The following SYT17 variants were observed in gnomAD, a reference collection of about 807,000 sequenced individuals.
SYT17 encodes the protein synaptotagmin-17.
A neutral mutation model predicts 46.7 loss-of-function variants in SYT17; 22 were observed. The observed-to-expected ratio is 0.47, with a 90% confidence interval of 0.34 to 0.67. SYT17 has a LOEUF of 0.67. Ranked by LOEUF, SYT17 falls within the 30% of genes least tolerant of loss-of-function variation. The pLI is 0.01. For missense variants in SYT17, 519 were observed against 612.8 expected (o/e 0.85, Z 1.62); for synonymous variants, 251 against 248.4 (o/e 1.01, Z -0.10).
In SYT17 at chr16:19,235,574, C is replaced by A. The variant is rs369994849; in HGVS notation, c.1228+10736C>A. 2.6e-5 allele frequency among the ~76,000 whole-genome samples: 4 copies of A among 152,246 alleles called. No individual in the cohort carries two copies. In the East Asian group the frequency reaches 7.7e-4, roughly 29 times the overall value. ...AAGAATTAGCAAAATCTGGCAAATTCTTAGAGAAAGTGTAATCAACAGATG... is the reference window on the plus strand; with the variant it reads ...AAGAATTAGCAAAATCTGGCAAATTATTAGAGAAAGTGTAATCAACAGATG... On this transcript the variant is annotated intron_variant, in intron 7 of 7. Transcript: ENST00000355377.
At chr16:19,192,686 T>C (rs560999630) in intron 5 of SYT17, among the ~76,000 whole-genome samples, 1 of 152,274 alleles carries the variant, frequency 6.6e-6, no homozygotes, top group East Asian at 1.9e-4. Flanking sequence ...CTGGACCCTG[T>C]GTAAGGTGGC....
intron 7 of SYT17, among the ~76,000 whole-genome samples, chr16:19,228,866 T>C (rs1443837079): frequency 2.0e-5 from 3 of 152,194 alleles, no homozygotes; most frequent in Non-Finnish European, 4.4e-5. Flanking sequence ...AAACACTTCA[T>C]AACAAAAGTA....
At chr16:19,227,171 G>A (rs145929544) in intron 7 of SYT17, among the ~76,000 whole-genome samples, 1 of 152,276 alleles carries the variant, frequency 6.6e-6, no homozygotes, top group African/African-American at 2.4e-5. Context: ...GCCACCCATA[G>A]TAAGCACTCT....
At chr16:19,249,146 C>T (rs573460450) in intron 7 of SYT17, among the ~76,000 whole-genome samples, 19 of 151,598 alleles carry the variant, frequency 1.3e-4, no homozygotes, top group African/African-American at 3.6e-4. Context: ...TGGTGGCAGG[C>T]GACTGTAGTC....
At chr16:19,221,480 TA>T (rs764747541) in intron 5 of SYT17, among the ~76,000 whole-genome samples, 11 of 152,202 alleles carry the variant, frequency 7.2e-5, no homozygotes, top group Non-Finnish European at 1.3e-4. Flanking sequence ...AATTATAAGT[TA>T]AAATGTGATG....
At chr16:19,203,486 G>A (rs1965547894) in intron 5 of SYT17, among the ~76,000 whole-genome samples, 1 of 152,228 alleles carries the variant, frequency 6.6e-6, no homozygotes, top group African/African-American at 2.4e-5. Flanking sequence ...AAGGTGCTCA[G>A]CCCCAAGTGT....
chr16:19,256,793 G>T (rs567102584), intron 7 of SYT17, among the ~76,000 whole-genome samples: 58 of 152,052 alleles, frequency 3.8e-4, no homozygotes, highest in Admixed American at 6.6e-4. Context: ...ACCCAGGCTG[G>T]TCTTGAATTC....
At chr16:19,214,689 C>T (rs541242687) in intron 5 of SYT17, among the ~76,000 whole-genome samples, 1 of 152,110 alleles carries the variant, frequency 6.6e-6, no homozygotes, top group Non-Finnish European at 1.5e-5. Context: ...GTGATGGCAA[C>T]TCTCCTTTTC....
chr16:19,221,288 C>A (rs1274467040), intron 5 of SYT17, among the ~76,000 whole-genome samples: 6 of 151,564 alleles, frequency 4.0e-5, no homozygotes, highest in Non-Finnish European at 8.8e-5. Context: ...AGGTGGTGCA[C>A]TGATGGGCCT....
chr16:19,171,824 C>A (rs1567195276), intron 1 of SYT17: 1 of 152,118 alleles, frequency 6.6e-6, no homozygotes, highest in Non-Finnish European at 1.5e-5. Context: ...GTGGACGTGG[C>A]TGTCTCCAAG....
intron 7 of SYT17, among the ~76,000 whole-genome samples, chr16:19,254,400 T>C (rs1415590238): frequency 1.3e-5 from 2 of 152,104 alleles, no homozygotes; most frequent in Non-Finnish European, 2.9e-5. Context: ...TCGGGGAGCA[T>C]TTGAAAACCA....
At chr16:19,179,286 C>T (rs1213638215) in intron 3 of SYT17, among the ~76,000 whole-genome samples, 1 of 152,098 alleles carries the variant, frequency 6.6e-6, no homozygotes, top group Non-Finnish European at 1.5e-5. Flanking sequence ...GACCACCATG[C>T]CCAGCTAATT....
chr16:19,182,542 G>A (rs1964599183), intron 4 of SYT17, among the ~76,000 whole-genome samples: 2 of 152,222 alleles, frequency 1.3e-5, no homozygotes, highest in Admixed American at 6.5e-5. Context: ...TCTATGGACA[G>A]TGTGGGCCTA....
At chr16:19,173,630 T>A in intron 3 of SYT17, 52 bp downstream of exon 3, 1 of 1,591,106 alleles carries the variant, frequency 6.3e-7, no homozygotes, top group Admixed American at 1.7e-5. Flanking sequence ...GACTTTTCCT[T>A]TTTAATGAGA....
chr16:19,173,402 C>A, intron 2 of SYT17, 28 bp from the exon 3 acceptor site: 1 of 1,034,426 alleles, frequency 9.7e-7, no homozygotes. Flanking sequence ...TCCCCCATCC[C>A]CCCGCCCACC....
intron 5 of SYT17, among the ~76,000 whole-genome samples, chr16:19,186,779 C>G (rs1215055028): frequency 6.6e-6 from 1 of 152,150 alleles, no homozygotes; most frequent in East Asian, 1.9e-4. Flanking sequence ...TTTTCCTTCT[C>G]TTCTCCCCTC....
intron 3 of SYT17, 115 bp from the exon 4 acceptor site, chr16:19,180,267 TTATTCCATG>T: frequency 9.9e-7 from 1 of 1,010,774 alleles, no homozygotes; most frequent in Non-Finnish European, 1.5e-6. Context: ...CAAATTTGCA[TTATTCCATG>T]TTGCATAAAA....
Position 19,246,439 on chromosome 16 carries a change from T to C in SYT17, c.1229-20441T>C, listed in dbSNP as rs72640451. On this transcript the variant is annotated intron_variant, in intron 7 of 7. Coordinates refer to ENST00000355377, the MANE Select transcript of SYT17 (RefSeq NM_016524.4). Reference sequence around the variant, plus strand: ...GAATATCACTTATATATTATTCAAATATCTAGAAACTACACACACATATAT... The same window carrying C: ...GAATATCACTTATATATTATTCAAACATCTAGAAACTACACACACATATAT... 6.7e-3 allele frequency among the ~76,000 whole-genome samples: 1,014 copies of C among 152,296 alleles called. 24 individuals are homozygous for C. The highest frequency in any genetic ancestry group is 0.066 in the East Asian group (341 of 5,188).
chr16:19,261,829 T>C (rs1968995823), intron 7 of SYT17, among the ~76,000 whole-genome samples: 1 of 152,222 alleles, frequency 6.6e-6, no homozygotes, highest in Non-Finnish European at 1.5e-5. Context: ...TCTGTCTCAT[T>C]TTTAATGGCA....
Sources: allele counts gnomAD v4.1 joint callset (sites outside exome capture counted in the v4.1 genomes callset), GRCh38; gene constraint gnomAD v4.1.1; transcripts MANE v1.5; gene names NCBI Gene and HGNC (gene_info 2026-07-23, HGNC 2026-07-21).